Variants in NFIB observed in about 807,000 individuals in gnomAD.
NFIB encodes the protein nuclear factor I B.
Under a neutral mutation model 61.5 loss-of-function variants are expected in NFIB, and 11 were observed. That is an observed-to-expected ratio of 0.18 (90% confidence interval 0.11 to 0.30). NFIB has a LOEUF of 0.30. Ranked by LOEUF, NFIB falls within the 10% of genes least tolerant of loss-of-function variation. NFIB has a pLI of 1.00. For synonymous variants in NFIB, 260 were observed against 216.5 expected, an observed-to-expected ratio of 1.20 and a Z score of -1.76; for missense variants, 471 against 608.9, an observed-to-expected ratio of 0.77 and a Z score of 2.38.
chr9:14,229,269 C>A (rs1003652830), intron 2 of NFIB, among the ~76,000 whole-genome samples: 1 of 152,118 alleles, frequency 6.6e-6, no homozygotes, highest in African/African-American at 2.4e-5. Context: ...GTTGTTACAC[C>A]AGCACGCAAA....
At chr9:14,415,739 G>C in the NFIB span, among the ~76,000 whole-genome samples, 2 of 152,216 alleles carry the variant, frequency 1.3e-5, no homozygotes, top group African/African-American at 4.8e-5. Context: ...CTGTGGAAAT[G>C]GTGATGTCGG....
chr9:14,332,483 A>G (rs1372042089), intron 1 of NFIB, among the ~76,000 whole-genome samples: 1 of 152,162 alleles, frequency 6.6e-6, no homozygotes, highest in East Asian at 1.9e-4. Flanking sequence ...GAAAGGTAAG[A>G]AATTTAACAG....
At chr9:14,141,947 T>C (rs1360373212) in intron 6 of NFIB, among the ~76,000 whole-genome samples, 3 of 146,820 alleles carry the variant, frequency 2.0e-5, no homozygotes, top group South Asian at 2.2e-4. Context: ...CCCAGCTGCA[T>C]ACTGCAAATA....
chr9:14,185,566 C>G (rs906142893), intron 2 of NFIB, among the ~76,000 whole-genome samples: 3 of 152,068 alleles, frequency 2.0e-5, no homozygotes, highest in Non-Finnish European at 4.4e-5. Context: ...CAATATGACA[C>G]GAAGTCTATT....
chr9:14,414,802 T>A, the NFIB span, among the ~76,000 whole-genome samples: 1 of 152,184 alleles, frequency 6.6e-6, no homozygotes. Context: ...TACAAGTATA[T>A]AAATATGAGG....
chr9:14,315,175 CG>C (rs560964908), upstream of NFIB, among the ~76,000 whole-genome samples: 1 of 151,834 alleles, frequency 6.6e-6, no homozygotes, highest in East Asian at 2.0e-4. Flanking sequence ...CAGCCCCCGA[CG>C]GCCCCGCCCG....
intron 1 of NFIB, among the ~76,000 whole-genome samples, chr9:14,329,720 G>A (rs1340033968): frequency 6.6e-6 from 1 of 151,326 alleles, no homozygotes; most frequent in Non-Finnish European, 1.5e-5. Context: ...TCACCATATT[G>A]CCCAGGCTGG....
chr9:14,223,020 T>C (rs971137376), intron 2 of NFIB, among the ~76,000 whole-genome samples: 7 of 152,144 alleles, frequency 4.6e-5, no homozygotes, highest in Admixed American at 2.0e-4. Context: ...AAGAATTGTC[T>C]TGAGCCACAC....
intron 2 of NFIB, among the ~76,000 whole-genome samples, chr9:14,286,497 T>A (rs2058717358): frequency 6.6e-6 from 1 of 152,226 alleles, no homozygotes; most frequent in Non-Finnish European, 1.5e-5. Flanking sequence ...TTCATCACAA[T>A]AATCCATTCT....
intron 2 of NFIB, among the ~76,000 whole-genome samples, chr9:14,289,961 T>G (rs1362308889): frequency 1.3e-5 from 2 of 152,054 alleles, no homozygotes; most frequent in African/African-American, 4.8e-5. Flanking sequence ...ACCATCACCT[T>G]GAACACTCCC....
chr9:14,104,614 T>C (rs558169254), intron 10 of NFIB, among the ~76,000 whole-genome samples: 14 of 152,232 alleles, frequency 9.2e-5, no homozygotes, highest in African/African-American at 2.9e-4. Context: ...AGGCTTTCCC[T>C]CTGTGGCCCA....
At chr9:14,506,682 T>C in the NFIB span, among the ~76,000 whole-genome samples, 1 of 152,210 alleles carries the variant, frequency 6.6e-6, no homozygotes, top group African/African-American at 2.4e-5. Context: ...TTTTCTCATT[T>C]TCCATCCTTA....
At chr9:14,394,513 C>T (rs2061660194) in intron 1 of NFIB, among the ~76,000 whole-genome samples, 1 of 152,150 alleles carries the variant, frequency 6.6e-6, no homozygotes, top group Non-Finnish European at 1.5e-5. Flanking sequence ...AGGGAACTCC[C>T]ATTTATAAAA....
At chr9:14,343,695 A>G (rs916761511) in intron 1 of NFIB, among the ~76,000 whole-genome samples, 23 of 152,244 alleles carry the variant, frequency 1.5e-4, no homozygotes, top group African/African-American at 5.5e-4. Context: ...GAAAAGGAAG[A>G]AAAAGGCTGG....
At chr9:14,470,078 C>T in the NFIB span, among the ~76,000 whole-genome samples, 1 of 152,212 alleles carries the variant, frequency 6.6e-6, no homozygotes, top group East Asian at 1.9e-4. Flanking sequence ...GCTAATTAAC[C>T]TCTCTGTGCC....
chr9:14,513,157 G>A, the NFIB span, among the ~76,000 whole-genome samples: 1 of 151,792 alleles, frequency 6.6e-6, no homozygotes, highest in Non-Finnish European at 1.5e-5. Context: ...TTATGTATTC[G>A]TTTGTTTTCT....
chr9:14,198,239 C>A (rs1462946321), intron 2 of NFIB, among the ~76,000 whole-genome samples: 1 of 152,166 alleles, frequency 6.6e-6, no homozygotes, highest in African/African-American at 2.4e-5. Flanking sequence ...CTCCAAGGAG[C>A]ATGATTCACA....
At chr9:14,246,571 G>A (rs540510696) in intron 2 of NFIB, among the ~76,000 whole-genome samples, 78 of 152,330 alleles carry the variant, frequency 5.1e-4, no homozygotes, top group African/African-American at 1.9e-3. Flanking sequence ...TTTGTAGAGT[G>A]AATGCCCATA....
chr9:14,463,481 T>A, the NFIB span, among the ~76,000 whole-genome samples: 1 of 152,144 alleles, frequency 6.6e-6, no homozygotes, highest in South Asian at 2.1e-4. Context: ...AAGCCGTTTC[T>A]GTCACCCATC....
Sources: gnomAD v4.1 joint callset for allele counts (sites outside exome capture counted in the v4.1 genomes callset) on GRCh38, gnomAD v4.1.1 for gene constraint, MANE v1.5 for transcripts, NCBI Gene and HGNC (gene_info 2026-07-23, HGNC 2026-07-21) for gene names.